ADARB2: variants seen among roughly 807,000 people sequenced by gnomAD.
ADARB2 encodes the protein inactive double-stranded RNA-specific editase B2.
In ADARB2, 25 loss-of-function variants were observed where a neutral mutation model predicts 62.2. The observed-to-expected ratio is 0.40, with a 90% CI of 0.29 to 0.56. The LOEUF (loss-of-function observed/expected upper bound fraction) is 0.56. Among genes scored for constraint, ADARB2 ranks in the 20% least tolerant of loss-of-function variants. The probability of loss-of-function intolerance (pLI) is 0.43; values close to 1 mark genes in which losing one functional copy is unlikely to be tolerated. For synonymous variants in ADARB2, 572 were observed against 500.8 expected (o/e 1.14, Z -1.90); for missense variants, 1,071 against 1,077.4 (o/e 0.99, Z 0.08).
chr10:1,387,592 A>G (rs188571178), intron 1 of ADARB2, among the ~76,000 whole-genome samples: 1 of 152,174 alleles, frequency 6.6e-6, no homozygotes, highest in Non-Finnish European at 1.5e-5. Context: ...ATATATATTA[A>G]GTAAATTTAA....
chr10:1,530,885 C>T (rs1254749472), intron 1 of ADARB2, among the ~76,000 whole-genome samples: 1 of 151,234 alleles, frequency 6.6e-6, no homozygotes, highest in Non-Finnish European at 1.5e-5. Flanking sequence ...CAGCACCCAG[C>T]ACTCAGGTCT....
At chr10:1,281,315 C>T (rs1831369680) in intron 3 of ADARB2, among the ~76,000 whole-genome samples, 1 of 152,200 alleles carries the variant, frequency 6.6e-6, no homozygotes, top group Non-Finnish European at 1.5e-5. Flanking sequence ...CCTCACTGTT[C>T]TGCTGGCCAG....
At position 1,452,005 on chromosome 10, in the gene ADARB2, G is replaced by A. The variant is rs189914078; in HGVS notation, c.101-72845C>T. ...CTTGTTAAAGGACAGCCTTATGAAC[G>A]GTACCTAGGAATCACGGATGTGGAG... On this transcript the variant is annotated intron_variant, in intron 1 of 9. Transcript: ENST00000381312. Among the ~76,000 whole-genome samples, 14 of 152,288 alleles carry A rather than the reference G, an allele frequency of 9.2e-5. No individual in the cohort carries two copies. In the East Asian group the frequency reaches 2.7e-3, roughly 29 times the overall value.
chr10:1,409,922 T>C (rs373984524), intron 1 of ADARB2, among the ~76,000 whole-genome samples: 16 of 58,010 alleles, frequency 2.8e-4, no homozygotes, highest in Middle Eastern at 0.018. Context: ...GAGGCCTGGC[T>C]GTGGTCATAG....
chr10:1,293,161 AAG>A (rs1831488152), intron 3 of ADARB2, among the ~76,000 whole-genome samples: 5 of 55,310 alleles, frequency 9.0e-5, no homozygotes, highest in African/African-American at 3.2e-4. Context: ...GAGGGAGGGT[AAG>A]AAGGGGGGAG....
chr10:1,509,500 C>T (rs960817765), intron 1 of ADARB2, among the ~76,000 whole-genome samples: 9 of 152,106 alleles, frequency 5.9e-5, no homozygotes, highest in Non-Finnish European at 1.3e-4. Context: ...AGGTTTAAGC[C>T]CGAGCTGCTA....
intron 3 of ADARB2, among the ~76,000 whole-genome samples, chr10:1,273,294 T>C (rs1831282199): frequency 1.3e-5 from 2 of 152,206 alleles, no homozygotes; most frequent in African/African-American, 4.8e-5. Context: ...AGGGTTTCTC[T>C]CTGCTGCCCA....
chr10:1,585,843 G>A (rs530935157), intron 1 of ADARB2, among the ~76,000 whole-genome samples: 3 of 152,090 alleles, frequency 2.0e-5, no homozygotes, highest in South Asian at 4.1e-4. Context: ...GACCATCCTG[G>A]CTAACACGGT....
chr10:1,435,290 G>A (rs1220425600), intron 1 of ADARB2, among the ~76,000 whole-genome samples: 3 of 152,170 alleles, frequency 2.0e-5, no homozygotes, highest in Admixed American at 6.5e-5. Context: ...CCAAGCCGAT[G>A]CTTTTGCATA....
intron 7 of ADARB2, among the ~76,000 whole-genome samples, chr10:1,213,572 G>A (rs1048058252): frequency 1.3e-5 from 2 of 152,204 alleles, no homozygotes; most frequent in African/African-American, 4.8e-5. Context: ...GGAGAGAGAG[G>A]ACGCAACTCT....
At chr10:1,581,438 A>C (rs1833097384) in intron 1 of ADARB2, among the ~76,000 whole-genome samples, 1 of 152,202 alleles carries the variant, frequency 6.6e-6, no homozygotes, top group Non-Finnish European at 1.5e-5. Flanking sequence ...CCAGAGCAGG[A>C]GGCGCAACAG....
chr10:1,264,259 C>T (rs1203203456), intron 4 of ADARB2, among the ~76,000 whole-genome samples: 1 of 152,206 alleles, frequency 6.6e-6, no homozygotes, highest in Non-Finnish European at 1.5e-5. Flanking sequence ...TTATCTTCCT[C>T]ATGCCCGACT....
intron 4 of ADARB2, among the ~76,000 whole-genome samples, chr10:1,243,724 G>A (rs548690470): frequency 1.3e-5 from 2 of 152,360 alleles, no homozygotes; most frequent in South Asian, 2.1e-4. Context: ...CCATGGCTCT[G>A]CAGCTGGGGT....
chr10:1,626,059 C>A (rs1354911348), intron 1 of ADARB2, among the ~76,000 whole-genome samples: 1 of 146,102 alleles, frequency 6.8e-6, no homozygotes, highest in East Asian at 2.1e-4. Flanking sequence ...GGACACTAAC[C>A]CCACATCTGC....
chr10:1,611,736 C>T (rs557120022), intron 1 of ADARB2, among the ~76,000 whole-genome samples: 4 of 152,174 alleles, frequency 2.6e-5, no homozygotes, highest in African/African-American at 9.7e-5. Flanking sequence ...TCATTTCACA[C>T]GACCTTAGCT....
chr10:1,370,644 T>C (rs1832361119), intron 2 of ADARB2, among the ~76,000 whole-genome samples: 1 of 152,214 alleles, frequency 6.6e-6, no homozygotes, highest in Non-Finnish European at 1.5e-5. Flanking sequence ...TTAGTAGCAT[T>C]TCTATACATC....
intron 3 of ADARB2, among the ~76,000 whole-genome samples, chr10:1,352,604 T>C (rs1158007466): frequency 6.6e-6 from 1 of 152,212 alleles, no homozygotes; most frequent in African/African-American, 2.4e-5. Flanking sequence ...TGCCACTGCC[T>C]TAATACTTTT....
At chr10:1,540,184 T>G (rs2131967385) in intron 1 of ADARB2, among the ~76,000 whole-genome samples, 1 of 152,254 alleles carries the variant, frequency 6.6e-6, no homozygotes, top group African/African-American at 2.4e-5. Context: ...TTGCTCGTTC[T>G]TGGCTGACAC....
At chr10:1,344,204 C>T (rs181107917) in intron 3 of ADARB2, among the ~76,000 whole-genome samples, 8 of 152,272 alleles carry the variant, frequency 5.3e-5, no homozygotes, top group South Asian at 2.1e-4. Context: ...AAAATTCTAC[C>T]GGCATCCGAT....
Sources: gnomAD v4.1 joint callset for allele counts (sites outside exome capture counted in the v4.1 genomes callset) on GRCh38, gnomAD v4.1.1 for gene constraint, MANE v1.5 for transcripts, NCBI Gene and HGNC (gene_info 2026-07-23, HGNC 2026-07-21) for gene names.